Variants in GALNT16 observed in about 807,000 individuals in gnomAD.
GALNT16 encodes the protein polypeptide N-acetylgalactosaminyltransferase 16.
GALNT16 carries 40 observed loss-of-function variants against 76.1 expected under a neutral mutation model. That is an observed-to-expected ratio of 0.53 (90% CI 0.41 to 0.68). GALNT16 has a LOEUF of 0.68. GALNT16 is among the 30% of genes least tolerant of loss of function. GALNT16 has a pLI of 0.00. For missense variants in GALNT16, 621 were observed against 731.9 expected (o/e 0.85, Z 1.75); for synonymous variants, 276 against 285.2 (o/e 0.97, Z 0.32).
the GALNT16 span, among the ~76,000 whole-genome samples, chr14:69,372,058 T>G: frequency 3.1e-3 from 475 of 152,332 alleles, 4 homozygotes; most frequent in African/African-American, 0.011. Context: ...TAACTGTTAC[T>G]AGGACAGCCG....
chr14:69,324,622 C>A, intron 2 of GALNT16, 70 bp from the exon 3 acceptor site: 2 of 841,270 alleles, frequency 2.4e-6, no homozygotes, highest in Non-Finnish European at 3.8e-6. Context: ...CAAGACTGGA[C>A]AAAGAAAAAC....
At chr14:69,350,916 C>G (rs2045627709) in intron 14 of GALNT16, 1 of 152,372 alleles carries the variant, frequency 6.6e-6, no homozygotes. Context: ...TGCCTCTCAT[C>G]CCTTCTCATA....
intron 14 of GALNT16, chr14:69,350,826 A>G (rs1194137318): frequency 6.6e-6 from 1 of 152,326 alleles, no homozygotes; most frequent in Non-Finnish European, 1.5e-5. Context: ...AGGTGGTTGC[A>G]ATGGGAGGCA....
rs572545870 is a variant in GALNT16 at position 69,311,884 on chromosome 14, G to A, written c.178-8827G>A. Among the ~76,000 whole-genome samples, 11 of 151,746 alleles carry A rather than the reference G, an allele frequency of 7.2e-5. No homozygotes were observed. The South Asian group carries it at 1.9e-3, about 26-fold the overall frequency. Reference sequence around the variant, plus strand: ...ACTATAAGTGTTCTATATGTTATACGGCCCATTATTGCTTTTTTTTCCCCC... The same window carrying A: ...ACTATAAGTGTTCTATATGTTATACAGCCCATTATTGCTTTTTTTTCCCCC... On this transcript the variant is annotated intron_variant, in intron 1 of 14. Transcript: ENST00000448469.
downstream of GALNT16, chr14:69,356,246 G>A (rs1223665588): frequency 2.0e-5 from 3 of 152,268 alleles, no homozygotes; most frequent in Non-Finnish European, 2.9e-5. Context: ...CCTGGACTGA[G>A]GCTCCAGAGC....
intron 1 of GALNT16, among the ~76,000 whole-genome samples, chr14:69,291,117 C>T (rs568532188): frequency 6.3e-4 from 96 of 152,182 alleles, no homozygotes; most frequent in Non-Finnish European, 1.2e-3. Context: ...ATAGTAAAAC[C>T]CTGTTTCTAC....
chr14:69,271,240 G>A (rs1318703019), intron 1 of GALNT16, among the ~76,000 whole-genome samples: 1 of 152,156 alleles, frequency 6.6e-6, no homozygotes, highest in Non-Finnish European at 1.5e-5. Context: ...AGACAATGCA[G>A]CATCCCTGAA....
chr14:69,327,034 G>A (rs2045295409), intron 5 of GALNT16, among the ~76,000 whole-genome samples: 1 of 152,216 alleles, frequency 6.6e-6, no homozygotes, highest in African/African-American at 2.4e-5. Context: ...ATAAGGCAGA[G>A]GTAGCAGGGA....
At chr14:69,316,057 C>A (rs1162532964) in intron 1 of GALNT16, among the ~76,000 whole-genome samples, 1 of 152,156 alleles carries the variant, frequency 6.6e-6, no homozygotes, top group Non-Finnish European at 1.5e-5. Context: ...TCTAGAGGTG[C>A]AGTAATGAGA....
Position 69,260,243 on chromosome 14 carries a change from G to T in GALNT16, c.-48G>T. On this transcript the variant is annotated 5_prime_UTR_variant, in exon 1 of 15. Transcript: ENST00000448469. ...CTGCGAGCGCCCCCGCCCCGGCCCCGAGAGCACGCCGGCCCAGTCCCCCAC... is the reference window on the plus strand; with the variant it reads ...CTGCGAGCGCCCCCGCCCCGGCCCCTAGAGCACGCCGGCCCAGTCCCCCAC... The T allele has an allele frequency of 7.2e-7, 1 of 1,379,460 alleles. No individual in the cohort carries two copies. The highest frequency in any genetic ancestry group is 9.8e-7 in the Non-Finnish European group (1 of 1,019,742). 85.5% of individuals were successfully genotyped at this position (1,379,460 alleles called of 1,614,324 possible).
chr14:69,321,719 C>T (rs2045188395), intron 2 of GALNT16, among the ~76,000 whole-genome samples: 1 of 152,188 alleles, frequency 6.6e-6, no homozygotes, highest in African/African-American at 2.4e-5. Context: ...CTACTTGGCT[C>T]ACTTCGAGGA....
intron 1 of GALNT16, among the ~76,000 whole-genome samples, chr14:69,300,141 A>G (rs545426300): frequency 2.6e-5 from 4 of 152,298 alleles, no homozygotes; most frequent in African/African-American, 4.8e-5. Flanking sequence ...TCAATTCCAA[A>G]ATAAGCGAAT....
chr14:69,346,388 A>G lies in GALNT16; in HGVS notation c.1272-652A>G, dbSNP rs573037193. Among the ~76,000 whole-genome samples, 25 of 152,254 alleles carry G rather than the reference A, an allele frequency of 1.6e-4. No homozygotes were observed. In the South Asian group the frequency reaches 2.3e-3, roughly 14 times the overall value. ...TTCCTACAAGGGGCAATATTGGTCA[A>G]AGATGTGTGCATTTTTAAGGGCTTT... On this transcript the variant is annotated intron_variant, in intron 12 of 14. Transcript: ENST00000448469.
chr14:69,321,732 C>A (rs1489411355), intron 2 of GALNT16, among the ~76,000 whole-genome samples: 2 of 152,214 alleles, frequency 1.3e-5, no homozygotes, highest in African/African-American at 4.8e-5. Context: ...TTCGAGGACA[C>A]TTGGCTCACT....
intron 6 of GALNT16, among the ~76,000 whole-genome samples, chr14:69,331,093 T>C (rs1292871423): frequency 6.6e-6 from 1 of 152,192 alleles, no homozygotes; most frequent in Non-Finnish European, 1.5e-5. Context: ...GGCAGCACAG[T>C]GAGTCACTGT....
chr14:69,288,762 A>T (rs748172794), intron 1 of GALNT16, among the ~76,000 whole-genome samples: 1 of 152,170 alleles, frequency 6.6e-6, no homozygotes, highest in Non-Finnish European at 1.5e-5. Context: ...AAACTTCAAA[A>T]CTCAATATGA....
At chr14:69,317,992 A>T (rs1032784484) in intron 1 of GALNT16, among the ~76,000 whole-genome samples, 1 of 152,234 alleles carries the variant, frequency 6.6e-6, no homozygotes, top group East Asian at 1.9e-4. Context: ...TTCAGAGGTC[A>T]TGGAATTGTG....
intron 12 of GALNT16, among the ~76,000 whole-genome samples, chr14:69,343,833 ACTATCAGAAAC>A (rs2045526022): frequency 6.6e-6 from 1 of 152,218 alleles, no homozygotes; most frequent in Non-Finnish European, 1.5e-5. Context: ...GTGTCTCATA[ACTATCAGAAAC>A]CTGGCTCGAT....
At chr14:69,295,682 T>C (rs566913576) in intron 1 of GALNT16, among the ~76,000 whole-genome samples, 74 of 152,290 alleles carry the variant, frequency 4.9e-4, no homozygotes, top group African/African-American at 1.7e-3. Flanking sequence ...ATCGCACTAC[T>C]GTACTCCAGC....
Sources: gnomAD v4.1 joint callset for allele counts (sites outside exome capture counted in the v4.1 genomes callset) on GRCh38, gnomAD v4.1.1 for gene constraint, MANE v1.5 for transcripts, NCBI Gene and HGNC (gene_info 2026-07-23, HGNC 2026-07-21) for gene names.